ACIN1: variants seen among roughly 807,000 people sequenced by gnomAD.
The protein encoded by ACIN1 is apoptotic chromatin condensation inducer 1.
ACIN1 carries 16 observed loss-of-function variants against 146.6 expected under a neutral mutation model. That is an observed-to-expected ratio of 0.11 (90% CI 0.07 to 0.17). The LOEUF is 0.17. Among genes scored for constraint, ACIN1 ranks in the 10% least tolerant of loss-of-function variants. The pLI is 1.00. For synonymous variants in ACIN1, 569 were observed against 582.7 expected (o/e 0.98, Z 0.34); for missense variants, 1,357 against 1,609.3 (o/e 0.84, Z 2.68).
In ACIN1 at chr14:23,084,389, G is replaced by A. The variant is rs144311524; in HGVS notation, c.437-2553C>T. On this transcript the variant is annotated intron_variant, in intron 4 of 18. Transcript: ENST00000605057. ...TGAGAGGCCGAGGCGGGCAGATCACGAGGTCGGGAGTTTGAGATTAGCCTG... is the reference window on the plus strand; with the variant it reads ...TGAGAGGCCGAGGCGGGCAGATCACAAGGTCGGGAGTTTGAGATTAGCCTG... Among the ~76,000 whole-genome samples the A allele has an allele frequency of 4.7e-3, 716 of 152,222 alleles. 6 individuals are homozygous for A. The highest frequency in any genetic ancestry group is 0.015 in the African/African-American group (611 of 41,552).
At chr14:23,093,748 G>A (rs1414224504) in intron 1 of ACIN1, among the ~76,000 whole-genome samples, 1 of 152,186 alleles carries the variant, frequency 6.6e-6, no homozygotes, top group East Asian at 1.9e-4. Context: ...CATGGTTACT[G>A]TTACTAAATG....
chr14:23,084,120 T>C (rs888213169), intron 4 of ACIN1, among the ~76,000 whole-genome samples: 2 of 152,072 alleles, frequency 1.3e-5, no homozygotes, highest in African/African-American at 4.8e-5. Context: ...TTAACTTTTG[T>C]ATTTTTAGTA....
intron 8 of ACIN1, among the ~76,000 whole-genome samples, chr14:23,073,035 T>C (rs1468648500): frequency 6.6e-6 from 1 of 152,258 alleles, no homozygotes; most frequent in Non-Finnish European, 1.5e-5. Context: ...TACAGATACA[T>C]GTAAAATACA....
intron 6 of ACIN1, among the ~76,000 whole-genome samples, chr14:23,079,331 A>G (rs2047882261): frequency 6.6e-6 from 1 of 152,204 alleles, no homozygotes; most frequent in Non-Finnish European, 1.5e-5. Context: ...TAAATTCAAC[A>G]TTCTATCAAG....
At chr14:23,066,075 G>A in intron 9 of ACIN1, 67 bp from the exon 10 acceptor site, 2 of 1,301,146 alleles carry the variant, frequency 1.5e-6, no homozygotes, top group Non-Finnish European at 2.2e-6. Context: ...GGGGGAAGGA[G>A]GTTAGATGGG....
At chr14:23,078,430 T>C (rs1381127876) in intron 7 of ACIN1, among the ~76,000 whole-genome samples, 164 bp from the exon 8 acceptor site, 2 of 152,230 alleles carry the variant, frequency 1.3e-5, no homozygotes, top group African/African-American at 2.4e-5. Context: ...GAAAGGAACA[T>C]GGCTTAAAAA....
chr14:23,061,034 C>T, intron 18 of ACIN1, 50 bp downstream of exon 18: 3 of 1,562,016 alleles, frequency 1.9e-6, no homozygotes, highest in Non-Finnish European at 2.6e-6. Flanking sequence ...CTCACCCTGA[C>T]CTCAAGCCTC....
At position 23,062,408 on chromosome 14, in the gene ACIN1, C is replaced by T; in HGVS notation, c.2991+8G>A. ...CCATGACCTATAGAATCAGCTTCTT[C>T]CCCTCACCGTTACAAAGCAATGAGA... On this transcript the variant is annotated splice_region_variant and intron_variant, in intron 15 of 18. Coordinates refer to ENST00000605057, the MANE Select transcript of ACIN1 (RefSeq NM_001386863.1). 6.2e-7 allele frequency: 1 copy of T among 1,613,870 alleles called. No individual in the cohort carries two copies. The highest frequency in any genetic ancestry group is 8.5e-7 in the Non-Finnish European group (1 of 1,179,742).
Position 23,085,821 on chromosome 14 carries a change from G to A in ACIN1, c.437-3985C>T, listed in dbSNP as rs116167808. On this transcript the variant is annotated intron_variant, in intron 4 of 18. Coordinates refer to ENST00000605057, the MANE Select transcript of ACIN1 (RefSeq NM_001386863.1). Reference sequence around the variant, plus strand: ...ACACGTGTAGACAGTGAGCGCTTTAGCTAAGGGTGGAGCTGATACTGATAA... The same window carrying A: ...ACACGTGTAGACAGTGAGCGCTTTAACTAAGGGTGGAGCTGATACTGATAA... 6.0e-3 allele frequency among the ~76,000 whole-genome samples: 910 copies of A among 152,308 alleles called. 9 individuals are homozygous for A. Among genetic ancestry groups the A allele is most frequent in the African/African-American group, 0.02 (840 of 41,562 alleles).
intron 17 of ACIN1, 56 bp downstream of exon 17, chr14:23,061,242 C>T (rs778920967): frequency 4.3e-6 from 7 of 1,613,734 alleles, no homozygotes; most frequent in Non-Finnish European, 5.9e-6. Context: ...CCCATCCCAT[C>T]TGGGTCCCTT....
At chr14:23,069,660 G>A in intron 8 of ACIN1, 43 bp from the exon 9 acceptor site, 1 of 1,543,292 alleles carries the variant, frequency 6.5e-7, no homozygotes, top group Non-Finnish European at 8.9e-7. Context: ...GGGCAGAAAA[G>A]AACCAAGGGG....
At chr14:23,064,600 A>C in intron 10 of ACIN1, 112 bp from the exon 11 acceptor site, 1 of 1,438,462 alleles carries the variant, frequency 7.0e-7, no homozygotes, top group Non-Finnish European at 9.4e-7. Flanking sequence ...GGTTAACTTA[A>C]AGAAATCATA....
At chr14:23,091,252 A>C (rs1031697011) in intron 2 of ACIN1, among the ~76,000 whole-genome samples, 1 of 152,148 alleles carries the variant, frequency 6.6e-6, no homozygotes, top group Non-Finnish European at 1.5e-5. Context: ...TTTTAGGCTA[A>C]ATTCCTAGAT....
At position 23,080,782 on chromosome 14, in the gene ACIN1, T is replaced by C; in HGVS notation, c.553A>G (p.Ser185Gly). Residue 185 changes from serine (S) to glycine (G), a missense_variant, in exon 6 of 19, where the codon AGC becomes GGC. By Grantham distance (56) the Ser-to-Gly change is moderately conservative. Around this residue, in one of 4 missense-constraint regions of ACIN1, gnomAD observed 771 missense variants for 746.6 expected, o/e 1.03. Transcript: ENST00000605057. Reference sequence around the variant, plus strand: ...TCCTCTTCCTCCTCAGCAGGTTGGCTGCCCTCAGACAGTTTAGCTGCTCTT... The same window carrying C: ...TCCTCTTCCTCCTCAGCAGGTTGGCCGCCCTCAGACAGTTTAGCTGCTCTT... ...QARAAKLSEGSQPAEEEEDQE... is the reference protein window; with the variant it reads ...QARAAKLSEGGQPAEEEEDQE... 6.2e-7 allele frequency: 1 copy of C among 1,610,534 alleles called. No individual in the cohort carries two copies.
intron 1 of ACIN1, among the ~76,000 whole-genome samples, 191 bp from the exon 2 acceptor site, chr14:23,093,735 A>G (rs2048288178): frequency 6.6e-6 from 1 of 152,246 alleles, no homozygotes; most frequent in Non-Finnish European, 1.5e-5. Context: ...CCATAAAGGT[A>G]GCCATGGTTA....
At chr14:23,071,682 C>A in intron 8 of ACIN1, 1 of 951,522 alleles carries the variant, frequency 1.1e-6, no homozygotes, top group African/African-American at 1.7e-5. Context: ...CCACAGGGAG[C>A]CGACTGCTGG....
chr14:23,062,880 T>G (rs1594743205), intron 14 of ACIN1, 49 bp downstream of exon 14: 1 of 1,557,858 alleles, frequency 6.4e-7, no homozygotes. Context: ...AGCCTAAAGC[T>G]CAAACTTAAC....
chr14:23,095,303 T>C, upstream of ACIN1: 1 of 1,584,018 alleles, frequency 6.3e-7, no homozygotes, highest in Non-Finnish European at 8.6e-7. Flanking sequence ...CAATCAATTC[T>C]TTCCATCCGC....
chr14:23,087,687 C>T (rs1262155565), intron 4 of ACIN1, among the ~76,000 whole-genome samples: 1 of 151,522 alleles, frequency 6.6e-6, no homozygotes, highest in African/African-American at 2.4e-5. Context: ...TTCAATGGTT[C>T]CCCCATTACC....
Sources: gnomAD v4.1 joint callset for allele counts (sites outside exome capture counted in the v4.1 genomes callset) on GRCh38, gnomAD v4.1.1 for gene constraint, gnomAD v4.1.1 regional missense constraint, MANE v1.5 for transcripts, NCBI Gene and HGNC (gene_info 2026-07-23, HGNC 2026-07-21) for gene names.